The following LRRTM4 variants were observed in gnomAD, a reference collection of about 807,000 sequenced individuals.
LRRTM4 encodes leucine-rich repeat transmembrane neuronal protein 4.
In LRRTM4, 25 loss-of-function variants were observed where a neutral mutation model predicts 47.6. The observed-to-expected ratio is 0.53, with a 90% CI of 0.38 to 0.73. LRRTM4 has a LOEUF of 0.73. Ranked by LOEUF, LRRTM4 falls within the 30% of genes least tolerant of loss-of-function variation. LRRTM4 has a pLI of 0.00. For missense variants in LRRTM4, 638 were observed against 713.4 expected (o/e 0.89, Z 1.20); for synonymous variants, 311 against 269.5 (o/e 1.15, Z -1.51).
At chr2:77,165,131 A>G in intron 3 of LRRTM4, among the ~76,000 whole-genome samples, 1 of 152,206 alleles carries the variant, frequency 6.6e-6, no homozygotes, top group East Asian at 1.9e-4. Context: ...TAAAGGGGAT[A>G]TCACCACTGA....
chr2:77,412,745 G>C (rs774200815), intron 3 of LRRTM4, among the ~76,000 whole-genome samples: 4 of 152,146 alleles, frequency 2.6e-5, no homozygotes, highest in African/African-American at 7.2e-5. Flanking sequence ...CTTTACCAGC[G>C]AGTGAGAACT....
intron 3 of LRRTM4, among the ~76,000 whole-genome samples, chr2:76,925,813 C>T (rs1558742127): frequency 6.6e-6 from 1 of 152,046 alleles, no homozygotes; most frequent in Non-Finnish European, 1.5e-5. Context: ...ATACATATGT[C>T]ATAATATGTT....
chr2:76,915,620 A>G (rs148320807), intron 3 of LRRTM4, among the ~76,000 whole-genome samples: 1 of 152,172 alleles, frequency 6.6e-6, no homozygotes, highest in Non-Finnish European at 1.5e-5. Flanking sequence ...CAAGACACAA[A>G]AGAGTCACCC....
At chr2:76,942,161 T>G (rs1402463183) in intron 3 of LRRTM4, among the ~76,000 whole-genome samples, 1 of 152,202 alleles carries the variant, frequency 6.6e-6, no homozygotes, top group Non-Finnish European at 1.5e-5. Context: ...GGTGGTGTTT[T>G]TTTTTCTTGT....
At chr2:77,475,280 T>C (rs1393939896) in intron 3 of LRRTM4, among the ~76,000 whole-genome samples, 2 of 152,116 alleles carry the variant, frequency 1.3e-5, no homozygotes, top group Non-Finnish European at 2.9e-5. Flanking sequence ...TTAATGCTCA[T>C]GATAAATTTA....
intron 3 of LRRTM4, among the ~76,000 whole-genome samples, chr2:77,349,376 G>A (rs549432018): frequency 2.0e-4 from 30 of 151,294 alleles, no homozygotes; most frequent in Non-Finnish European, 3.4e-4. Context: ...AATTTTATAC[G>A]AAAAGTCTAG....
intron 3 of LRRTM4, among the ~76,000 whole-genome samples, chr2:77,507,448 G>T (rs1158069884): frequency 6.6e-6 from 1 of 152,048 alleles, no homozygotes; most frequent in Non-Finnish European, 1.5e-5. Flanking sequence ...AGGTGAAGGG[G>T]CAACACATTG....
chr2:77,081,230 GA>G (rs1167894727), intron 3 of LRRTM4, among the ~76,000 whole-genome samples: 3 of 136,404 alleles, frequency 2.2e-5, no homozygotes, highest in Non-Finnish European at 4.7e-5. Flanking sequence ...TCCCAGCACC[GA>G]AAAATACCTG....
chr2:76,802,330 C>G (rs1675742625), intron 3 of LRRTM4, among the ~76,000 whole-genome samples: 1 of 150,500 alleles, frequency 6.6e-6, no homozygotes, highest in African/African-American at 2.4e-5. Context: ...TATATACTAA[C>G]AACAAACTAC....
At position 76,872,935 on chromosome 2, in the gene LRRTM4, C is replaced by T. The variant is rs115700212; in HGVS notation, c.1552-124019G>A. Among the ~76,000 whole-genome samples, 1,510 of 152,188 alleles carry T rather than the reference C, an allele frequency of 9.9e-3. 11 individuals are homozygous for T. The highest frequency in any genetic ancestry group is 0.015 in the Non-Finnish European group (995 of 68,006). ...TTGCCAAATGATCTGCATTCACTGG[C>T]TCCTTTTCACTTTCCACTATGATTG... On this transcript the variant is annotated intron_variant, in intron 3 of 3. Transcript: ENST00000409884.
intron 3 of LRRTM4, among the ~76,000 whole-genome samples, chr2:76,775,749 T>C (rs1673945946): frequency 2.0e-5 from 3 of 151,528 alleles, no homozygotes; most frequent in South Asian, 2.2e-4. Context: ...TTCTCTCTCT[T>C]TTTTTTAAAT....
chr2:76,875,842 G>A (rs1278006038), intron 3 of LRRTM4, among the ~76,000 whole-genome samples: 6 of 152,134 alleles, frequency 3.9e-5, no homozygotes, highest in Admixed American at 3.9e-4. Context: ...GCATCAATGT[G>A]TTGTGGGACT....
intron 3 of LRRTM4, among the ~76,000 whole-genome samples, chr2:76,955,436 T>C (rs1438551122): frequency 2.0e-5 from 3 of 151,506 alleles, no homozygotes; most frequent in Admixed American, 1.3e-4. Context: ...TGTATGGTAA[T>C]CATAAGAAAA....
At chr2:76,812,776 C>CCCTCTT (rs1553413541) in intron 3 of LRRTM4, among the ~76,000 whole-genome samples, 24 of 85,678 alleles carry the variant, frequency 2.8e-4, no homozygotes, top group African/African-American at 1.3e-3. Context: ...CTCTCCCTCC[C>CCCTCTT]CCTCCTCCTC....
chr2:76,795,056 A>C (rs1173907126), intron 3 of LRRTM4, among the ~76,000 whole-genome samples: 1 of 151,942 alleles, frequency 6.6e-6, no homozygotes, highest in Non-Finnish European at 1.5e-5. Context: ...GGCAGATAGT[A>C]AGCTAAAGTA....
rs1008436220 is a variant in LRRTM4 at position 76,800,965 on chromosome 2, A to C, written c.1552-52049T>G. ...ATGCAAATGAAAACCACAATGAGAT[A>C]CCATCTCACACCAGTTAGAATGGCA... On this transcript the variant is annotated intron_variant, in intron 3 of 3. Coordinates refer to ENST00000409884, the MANE Select transcript of LRRTM4 (RefSeq NM_001134745.3). Among the ~76,000 whole-genome samples the C allele has an allele frequency of 6.0e-5, 9 of 150,408 alleles. 1 individual carries two copies. The highest frequency in any genetic ancestry group is 2.2e-4 in the African/African-American group (9 of 40,980).
intron 3 of LRRTM4, among the ~76,000 whole-genome samples, chr2:76,779,235 G>T (rs377039107): frequency 6.6e-6 from 1 of 152,014 alleles, no homozygotes; most frequent in South Asian, 2.1e-4. Flanking sequence ...AATGTATATT[G>T]TGTTGATTTG....
Position 77,198,705 on chromosome 2 carries a change from T to A in LRRTM4, c.1551+319613A>T, listed in dbSNP as rs17013799. 4.5e-3 allele frequency among the ~76,000 whole-genome samples: 690 copies of A among 152,292 alleles called. 2 individuals are homozygous for A. The highest frequency in any genetic ancestry group is 0.016 in the African/African-American group (650 of 41,572). ...AACTTAGCTACTTGCTTTCAATCAC[T>A]GACATTTTCCAAGCTGCTAGCTGGC... is the stretch of plus-strand genomic sequence containing the variant. On this transcript the variant is annotated intron_variant, in intron 3 of 3. Coordinates refer to ENST00000409884, the MANE Select transcript of LRRTM4 (RefSeq NM_001134745.3).
rs199856199 is a variant in LRRTM4, at chr2:76,748,170, AG to A, written c.*524del. The stretch of plus-strand genomic sequence containing the variant: ...TTTGTATTAGAAACTTGACCAGGAA[AG>A]AAAAAAATTAAAACAAACAAAACAA... On this transcript the variant is annotated 3_prime_UTR_variant, in exon 4 of 4. Transcript: ENST00000409884. The A allele has an allele frequency of 9.7e-3, 1,486 of 153,256 alleles. 32 individuals carry two copies. The highest frequency in any genetic ancestry group is 0.034 in the African/African-American group (1,420 of 41,546). 9.5% of individuals were successfully genotyped at this position (153,256 alleles called of 1,614,324 possible). A position where few individuals can be genotyped will look rare whatever the true frequency, so the allele number is the denominator to read the frequency against.
Sources: allele counts gnomAD v4.1 joint callset (sites outside exome capture counted in the v4.1 genomes callset), GRCh38; gene constraint gnomAD v4.1.1; transcripts MANE v1.5; gene names NCBI Gene and HGNC (gene_info 2026-07-23, HGNC 2026-07-21).